Variants in PTPRN2 observed in about 807,000 individuals in gnomAD.
The protein encoded by PTPRN2 is protein tyrosine phosphatase receptor type N2, also known as receptor-type tyrosine-protein phosphatase N2.
In PTPRN2, 74 loss-of-function variants were observed where a neutral mutation model predicts 118.8. The observed-to-expected ratio is 0.62, with a 90% CI of 0.52 to 0.76. The LOEUF is 0.76. Ranked by LOEUF, PTPRN2 falls within the 30% of genes least tolerant of loss-of-function variation. PTPRN2 has a pLI of 0.00. For missense variants in PTPRN2, 1,481 were observed against 1,394.4 expected, an observed-to-expected ratio of 1.06 and a Z score of -0.99; for synonymous variants, 641 against 608.0, an observed-to-expected ratio of 1.05 and a Z score of -0.80.
intron 11 of PTPRN2, among the ~76,000 whole-genome samples, chr7:157,958,199 T>A (rs1801302401): frequency 6.6e-6 from 1 of 152,148 alleles, no homozygotes. Context: ...AATTCAACCC[T>A]CTTTCATGAT....
Position 158,467,816 on chromosome 7 carries a change from C to G in PTPRN2, c.163+21919G>C, listed in dbSNP as rs189821643. The stretch of plus-strand genomic sequence containing the variant: ...ACATGGCGTGTGTTTAAGTCACTGG[C>G]CAAAACTTGGGTAATTCTGCTGCCA... On this transcript the variant is annotated intron_variant, in intron 2 of 22. Coordinates refer to ENST00000389418, the MANE Select transcript of PTPRN2 (RefSeq NM_002847.5). Among the ~76,000 whole-genome samples the G allele has an allele frequency of 2.6e-4, 39 of 152,254 alleles. No homozygotes were observed. In the East Asian group the frequency reaches 3.7e-3, roughly 14 times the overall value.
chr7:158,268,257 G>A (rs1463996701), intron 3 of PTPRN2, among the ~76,000 whole-genome samples: 4 of 151,884 alleles, frequency 2.6e-5, no homozygotes, highest in Non-Finnish European at 4.4e-5. Flanking sequence ...CACACACACA[G>A]AGCGGGGTGT....
intron 14 of PTPRN2, among the ~76,000 whole-genome samples, chr7:157,626,978 G>C (rs551420273): frequency 2.0e-4 from 30 of 152,336 alleles, no homozygotes; most frequent in African/African-American, 7.0e-4. Context: ...GAGTGTTCCT[G>C]TAACAACCTG....
chr7:158,085,876 T>TACGACGCCCATCCACACCC (rs1813360636), intron 10 of PTPRN2, among the ~76,000 whole-genome samples: 1 of 41,770 alleles, frequency 2.4e-5, no homozygotes, highest in African/African-American at 9.3e-5. Flanking sequence ...CATCCACACC[T>TACGACGCCCATCCACACCC]ACGACGCCCA....
chr7:157,756,304 A>G (rs1049782841), intron 12 of PTPRN2, among the ~76,000 whole-genome samples: 4 of 145,208 alleles, frequency 2.8e-5, no homozygotes, highest in Admixed American at 2.8e-4. Context: ...CTTTTAATTA[A>G]TTTTTTTTTT....
chr7:158,041,515 G>A (rs755311385), intron 11 of PTPRN2, among the ~76,000 whole-genome samples: 4 of 152,072 alleles, frequency 2.6e-5, no homozygotes, highest in Non-Finnish European at 5.9e-5. Context: ...GTACACACCT[G>A]TAGTCCCAGC....
chr7:158,403,432 C>G (rs1323326191), intron 2 of PTPRN2, among the ~76,000 whole-genome samples: 1 of 152,228 alleles, frequency 6.6e-6, no homozygotes, highest in Non-Finnish European at 1.5e-5. Flanking sequence ...TGGACAGGCC[C>G]GGGCACAGGC....
intron 2 of PTPRN2, among the ~76,000 whole-genome samples, chr7:158,340,547 G>C (rs1394774367): frequency 8.0e-6 from 1 of 125,570 alleles, no homozygotes; most frequent in Non-Finnish European, 1.7e-5. Flanking sequence ...GTCGCCCGCA[G>C]AGGTCACTCA....
At chr7:158,534,092 T>A (rs1185954876) in intron 1 of PTPRN2, among the ~76,000 whole-genome samples, 1 of 136,140 alleles carries the variant, frequency 7.3e-6, no homozygotes, top group Non-Finnish European at 1.6e-5. Flanking sequence ...TGGCTGTGGG[T>A]GCAGGTTGTG....
chr7:157,894,020 T>A (rs1230081885), intron 12 of PTPRN2, among the ~76,000 whole-genome samples: 1 of 152,154 alleles, frequency 6.6e-6, no homozygotes, highest in Non-Finnish European at 1.5e-5. Flanking sequence ...GAATGGGAGC[T>A]CGTGATGGAA....
At position 157,977,332 on chromosome 7, in the gene PTPRN2, G is replaced by A. The variant is rs901969178; in HGVS notation, c.1724-78595C>T. ...CAAGGTGATTTCTGATCAGGGCTCT[G>A]AGCTCTGCGTCAAGTGGGAGGGGTT... On this transcript the variant is annotated intron_variant, in intron 11 of 22. Coordinates refer to ENST00000389418, the MANE Select transcript of PTPRN2 (RefSeq NM_002847.5). This position sits in a 1 kb window ranked among gnomAD's most constrained non-coding sequence, Gnocchi z 4.6. 6.6e-6 allele frequency among the ~76,000 whole-genome samples: 1 copy of A among 151,914 alleles called. No individual in the cohort carries two copies. The highest frequency in any genetic ancestry group is 1.5e-5 in the Non-Finnish European group (1 of 67,950).
chr7:157,872,327 C>G (rs112753489), intron 12 of PTPRN2, among the ~76,000 whole-genome samples: 29 of 97,596 alleles, frequency 3.0e-4, no homozygotes, highest in African/African-American at 4.7e-4. Flanking sequence ...CCCCACACAC[C>G]CATACCCAGT....
intron 3 of PTPRN2, among the ~76,000 whole-genome samples, chr7:158,208,586 T>C (rs938160365): frequency 5.9e-5 from 9 of 152,156 alleles, no homozygotes; most frequent in African/African-American, 2.2e-4. Flanking sequence ...GGAAAAATAC[T>C]TTCCCAGACA....
At chr7:157,707,890 G>C (rs1450342924) in intron 12 of PTPRN2, among the ~76,000 whole-genome samples, 1 of 152,220 alleles carries the variant, frequency 6.6e-6, no homozygotes, top group Non-Finnish European at 1.5e-5. Context: ...CGCCCAGCCA[G>C]AGGAAGATTT....
At position 157,757,673 on chromosome 7, in the gene PTPRN2, G is replaced by GTT. The variant is rs111681954; in HGVS notation, c.1789-74738_1789-74737dup. ...ATGCTCTGTGGCTCACAAGATACAA[G>GTT]TTTTTTTTTTTAAACCTCCCCCACC... On this transcript the variant is annotated intron_variant, in intron 12 of 22. Coordinates refer to ENST00000389418, the MANE Select transcript of PTPRN2 (RefSeq NM_002847.5). Among the ~76,000 whole-genome samples, 1,312 of 144,928 alleles carry GTT rather than the reference G, an allele frequency of 9.1e-3. 21 individuals carry two copies. The highest frequency in any genetic ancestry group is 0.031 in the African/African-American group (1,238 of 39,530).
chr7:157,721,526 G>A (rs991169141), intron 12 of PTPRN2, among the ~76,000 whole-genome samples: 3 of 152,302 alleles, frequency 2.0e-5, no homozygotes, highest in South Asian at 4.1e-4. Flanking sequence ...ACTGTCAGCC[G>A]AGCCCAGCGT....
intron 1 of PTPRN2, among the ~76,000 whole-genome samples, chr7:158,511,594 C>T (rs1428513161): frequency 6.6e-6 from 1 of 152,250 alleles, no homozygotes; most frequent in Non-Finnish European, 1.5e-5. Context: ...AAAATGGAAA[C>T]TTCTCCAGGC....
chr7:158,082,276 C>G (rs1409728504), intron 10 of PTPRN2, among the ~76,000 whole-genome samples: 1 of 152,166 alleles, frequency 6.6e-6, no homozygotes, highest in Non-Finnish European at 1.5e-5. Context: ...CCTTGCTGTC[C>G]CCACTGCAGC....
intron 11 of PTPRN2, among the ~76,000 whole-genome samples, chr7:158,035,871 T>C (rs1031661659): frequency 2.0e-5 from 3 of 152,150 alleles, no homozygotes; most frequent in Admixed American, 2.0e-4. Flanking sequence ...AAGCATGTAA[T>C]AAAAAATTAT....
Sources: allele counts gnomAD v4.1 joint callset (sites outside exome capture counted in the v4.1 genomes callset), GRCh38; gene constraint gnomAD v4.1.1; non-coding constraint Gnocchi (gnomAD v3.1); transcripts MANE v1.5; gene names NCBI Gene and HGNC (gene_info 2026-07-23, HGNC 2026-07-21).